Variants in RNF138 observed in about 807,000 individuals in gnomAD.
The protein encoded by RNF138 is ring finger protein 138.
A neutral mutation model predicts 31.0 loss-of-function variants in RNF138; 12 were observed. The observed-to-expected ratio is 0.39, with a 90% CI of 0.25 to 0.63. RNF138 has a LOEUF of 0.63. RNF138 is among the 20% of genes least tolerant of loss of function. RNF138 has a pLI of 0.52. For missense variants in RNF138, 192 were observed against 300.1 expected (o/e 0.64, Z 2.66); for synonymous variants, 105 against 99.5 (o/e 1.06, Z -0.33).
intron 5 of RNF138, chr18:32,124,322 A>G (rs796700101): frequency 1.3e-5 from 2 of 155,208 alleles, no homozygotes; most frequent in African/African-American, 4.8e-5. Flanking sequence ...GAAGTCTTTT[A>G]GAAGTTTTAA....
chr18:32,123,599 C>A, intron 5 of RNF138, 25 bp downstream of exon 5: 2 of 1,448,506 alleles, frequency 1.4e-6, no homozygotes, highest in Non-Finnish European at 1.9e-6. Flanking sequence ...AATCCTGCCA[C>A]TTTAGCAAGT....
At chr18:32,124,885 A>G (rs765981080) in intron 6 of RNF138, 40 bp downstream of exon 6, 14 of 982,674 alleles carry the variant, frequency 1.4e-5, no homozygotes, top group Admixed American at 5.2e-5. Flanking sequence ...GCTTAGAATA[A>G]AACATGCTGT....
intron 3 of RNF138, among the ~76,000 whole-genome samples, chr18:32,112,675 G>A (rs1333708746): frequency 1.3e-5 from 2 of 151,976 alleles, no homozygotes; most frequent in Non-Finnish European, 2.9e-5. Context: ...AGAGCGAAAC[G>A]CTGTCTAAAA....
intron 2 of RNF138, among the ~76,000 whole-genome samples, chr18:32,093,445 AG>A (rs1451510724): frequency 1.1e-4 from 17 of 152,184 alleles, no homozygotes; most frequent in Admixed American, 1.1e-3. Context: ...CCTGCTTCAC[AG>A]AACACCCTCG....
intron 7 of RNF138, 68 bp from the exon 8 acceptor site, chr18:32,129,051 T>C: frequency 9.9e-7 from 1 of 1,013,740 alleles, no homozygotes; most frequent in South Asian, 1.3e-5. Context: ...AGATGTCTAA[T>C]GTTTTGGGCA....
At chr18:32,120,043 A>G (rs2040278797) in intron 4 of RNF138, among the ~76,000 whole-genome samples, 1 of 152,108 alleles carries the variant, frequency 6.6e-6, no homozygotes. Context: ...TTTTAAACCT[A>G]ATGTTCTATA....
At chr18:32,113,407 A>G (rs2040165652) in intron 3 of RNF138, among the ~76,000 whole-genome samples, 1 of 152,156 alleles carries the variant, frequency 6.6e-6, no homozygotes, top group Non-Finnish European at 1.5e-5. Flanking sequence ...AGGCTGCAGA[A>G]GTTAAATAAT....
intron 7 of RNF138, among the ~76,000 whole-genome samples, chr18:32,128,599 G>C (rs1474165506): frequency 3.3e-5 from 5 of 152,184 alleles, no homozygotes; most frequent in Non-Finnish European, 7.3e-5. Flanking sequence ...TCAGTTTACT[G>C]TCAGATATTT....
chr18:32,124,696 T>A lies in RNF138; in HGVS notation c.450-38T>A, dbSNP rs1598865113. On this transcript the variant is annotated intron_variant, in intron 5 of 7. Coordinates refer to ENST00000261593, the MANE Select transcript of RNF138 (RefSeq NM_016271.5). ...TAGGAGAGCGTTATTTTTGTGTTAT[T>A]CTGAATTAAGTATGTTTCACTTAAA... 6.0e-6 allele frequency: 6 copies of A among 1,003,126 alleles called. 1 individual carries two copies. In the African/African-American group the frequency reaches 9.5e-5, roughly 16 times the overall value. The allele number at this position is 1,003,126 out of a possible 1,614,324, so 62.1% of individuals were successfully genotyped here.
chr18:32,120,004 T>G lies in RNF138; in HGVS notation c.393-3514T>G, dbSNP rs1162846044. ...TTTAGATTTATTATATAGAAAATCA[T>G]TATGTTCTCCCATAGTTTTGTCTGC... is the stretch of plus-strand genomic sequence containing the variant. On this transcript the variant is annotated intron_variant, in intron 4 of 7. Transcript: ENST00000261593. Among the ~76,000 whole-genome samples the G allele has an allele frequency of 2.0e-5, 3 of 152,182 alleles. No individual in the cohort carries two copies. The East Asian group carries it at 5.8e-4, about 29-fold the overall frequency.
chr18:32,122,982 A>T lies in RNF138; in HGVS notation c.393-536A>T, dbSNP rs116133462. On this transcript the variant is annotated intron_variant, in intron 4 of 7. Transcript: ENST00000261593. Reference sequence around the variant, plus strand: ...TCTCTGGCATATGGTAAAAGTGGAGATGTTAAGTTGTTCTGTATATTAAAT... The same window carrying T: ...TCTCTGGCATATGGTAAAAGTGGAGTTGTTAAGTTGTTCTGTATATTAAAT... Among the ~76,000 whole-genome samples, 1,480 of 152,290 alleles carry T rather than the reference A, an allele frequency of 9.7e-3. 23 individuals are homozygous for T. The highest frequency in any genetic ancestry group is 0.033 in the African/African-American group (1,380 of 41,538).
chr18:32,131,523 G>A lies in RNF138; in HGVS notation c.*2336G>A, dbSNP rs1457563418. 1.3e-5 allele frequency: 2 copies of A among 152,134 alleles called. No homozygotes were observed. Among genetic ancestry groups the A allele is most frequent in the Non-Finnish European group, 2.9e-5 (2 of 67,990 alleles). 9.4% of individuals were successfully genotyped at this position (152,134 alleles called of 1,614,324 possible). A position where few individuals can be genotyped will look rare whatever the true frequency, so the allele number is the denominator to read the frequency against. ...GTTAAAACAGAGTCTTATTTGAGAT[G>A]TATTGCTTTATTTTTCAATTAAAAG... On this transcript the variant is annotated 3_prime_UTR_variant, in exon 8 of 8. Transcript: ENST00000261593.
intron 4 of RNF138, among the ~76,000 whole-genome samples, chr18:32,121,148 C>CA (rs1199318351): frequency 1.1e-4 from 15 of 137,360 alleles, no homozygotes; most frequent in East Asian, 2.2e-4. Context: ...AAAAACAAAA[C>CA]AAAAAAAAAG....
intron 7 of RNF138, among the ~76,000 whole-genome samples, chr18:32,127,399 G>T (rs1160343569): frequency 1.3e-5 from 2 of 152,070 alleles, no homozygotes; most frequent in Non-Finnish European, 2.9e-5. Flanking sequence ...TTATTAAATT[G>T]CATTTTATTC....
At chr18:32,102,168 C>T (rs1482561531) in intron 2 of RNF138, among the ~76,000 whole-genome samples, 1 of 150,210 alleles carries the variant, frequency 6.7e-6, no homozygotes, top group Non-Finnish European at 1.5e-5. Context: ...CAGGTGTGAG[C>T]CACCACACCT....
At chr18:32,105,225 G>A (rs1179435150) in intron 2 of RNF138, among the ~76,000 whole-genome samples, 1 of 152,106 alleles carries the variant, frequency 6.6e-6, no homozygotes, top group Non-Finnish European at 1.5e-5. Flanking sequence ...CTGAGTAGCT[G>A]GGATTACATG....
chr18:32,108,964 G>A (rs59690483), intron 2 of RNF138, among the ~76,000 whole-genome samples: 2 of 152,092 alleles, frequency 1.3e-5, no homozygotes, highest in East Asian at 3.9e-4. Flanking sequence ...CACTGCCCAT[G>A]GTTTTATGTA....
chr18:32,110,537 C>T (rs2040109750), intron 2 of RNF138, among the ~76,000 whole-genome samples: 1 of 152,022 alleles, frequency 6.6e-6, no homozygotes, highest in African/African-American at 2.4e-5. Flanking sequence ...AGTTAGGAAA[C>T]TCAGGTTATG....
Position 32,130,450 on chromosome 18 carries a change from A to C in RNF138, c.*1263A>C, listed in dbSNP as rs1443211394. On this transcript the variant is annotated 3_prime_UTR_variant, in exon 8 of 8. Transcript: ENST00000261593. Reference sequence around the variant, plus strand: ...TATGTTCTTAATATTCATTAGTGAGAATCACAAAGTATTTTGTAGAAGGCC... The same window carrying C: ...TATGTTCTTAATATTCATTAGTGAGCATCACAAAGTATTTTGTAGAAGGCC... The C allele has an allele frequency of 6.6e-6, 1 of 152,446 alleles. No individual in the cohort carries two copies. Among genetic ancestry groups the C allele is most frequent in the Non-Finnish European group, 1.5e-5 (1 of 67,882 alleles). The allele number at this position is 152,446 out of a possible 1,614,324, so 9.4% of individuals were successfully genotyped here. A position where few individuals can be genotyped will look rare whatever the true frequency, so the allele number is the denominator to read the frequency against.
Sources: allele counts gnomAD v4.1 joint callset (sites outside exome capture counted in the v4.1 genomes callset), GRCh38; gene constraint gnomAD v4.1.1; transcripts MANE v1.5; gene names NCBI Gene and HGNC (gene_info 2026-07-23, HGNC 2026-07-21).